Variants in KCNC3 observed in about 807,000 individuals in gnomAD.
The protein encoded by KCNC3 is voltage-gated potassium channel KCNC3.
In KCNC3, 22 loss-of-function variants were observed where a neutral mutation model predicts 43.9. That is an observed-to-expected ratio of 0.50 (90% CI 0.36 to 0.72). The LOEUF (loss-of-function observed/expected upper bound fraction) is 0.72, where lower values mean the gene tolerates loss of function less well. Among genes scored for constraint, KCNC3 ranks in the 30% least tolerant of loss-of-function variants. The pLI is 0.00. For synonymous variants in KCNC3, 492 were observed against 488.0 expected, an observed-to-expected ratio of 1.01 and a Z score of -0.11; for missense variants, 829 against 1,073.8, an observed-to-expected ratio of 0.77 and a Z score of 3.19.
rs751134277 is a variant in KCNC3 at position 50,323,375 on chromosome 19, C to T, written c.1578G>A (p.Ala526=). 5.1e-5 allele frequency: 82 copies of T among 1,614,174 alleles called. No individual in the cohort carries two copies. Among genetic ancestry groups the T allele is most frequent in the African/African-American group, 8.0e-5 (6 of 75,068 alleles). The change falls in exon 2 of 5, where the codon GCG becomes GCA. Residue 526 remains alanine, a synonymous_variant. Coordinates refer to ENST00000477616, the MANE Select transcript of KCNC3 (RefSeq NM_004977.3). ...GMLVGALCAL[A]GVLTIAMPVP... The stretch of plus-strand genomic sequence containing the variant: ...CAGGCATGGCGATGGTCAGCACCCC[C>T]GCCAGGGCACACAGCGCCCCGACCA...
Position 50,328,847 on chromosome 19 carries a change from C to A in KCNC3, c.236G>T (p.Arg79Leu). 1.4e-6 allele frequency: 2 copies of A among 1,429,120 alleles called. No homozygotes were observed. The highest frequency in any genetic ancestry group is 1.8e-6 in the Non-Finnish European group (2 of 1,093,310). 88.5% of individuals were successfully genotyped at this position (1,429,120 alleles called of 1,614,324 possible). A position where few individuals can be genotyped will look rare whatever the true frequency, so the allele number is the denominator to read the frequency against. Residue 79 changes from arginine to leucine, a missense_variant, in exon 1 of 5, where the codon CGG becomes CTG. By Grantham distance (102) the Arg-to-Leu change is moderately radical. Around this residue, in one of 7 missense-constraint regions of KCNC3, gnomAD observed 121 missense variants for 247.4 expected, o/e 0.49. Transcript: ENST00000477616. The part of the protein sequence containing the change: ...CPGLPAAAMG[R>L]HGGGGGDSGK... ...GCTGTCGCCACCGCCGCCGCCGTGC[C>A]GCCCCATGGCCGCCGCCGGCAGCCC... is the stretch of plus-strand genomic sequence containing the variant.
At chr19:50,325,470 G>A (rs1365325829) in intron 1 of KCNC3, among the ~76,000 whole-genome samples, 1 of 151,554 alleles carries the variant, frequency 6.6e-6, no homozygotes, top group African/African-American at 2.4e-5. Context: ...TTGGGCTCTG[G>A]GCTTGACTTC....
At position 50,312,815 on chromosome 19, in the gene KCNC3, A is replaced by T. The variant is rs1004527730; in HGVS notation, c.*3300T>A. On this transcript the variant is annotated 3_prime_UTR_variant, in exon 5 of 5. Coordinates refer to ENST00000477616, the MANE Select transcript of KCNC3 (RefSeq NM_004977.3). ...TGTTAAAGAAGTTGAACCCTTTGGC[A>T]ATATAATCAGTCCCCACCCCGTACC... 1 of 151,832 alleles carries T rather than the reference A, an allele frequency of 6.6e-6. No homozygotes were observed. Among genetic ancestry groups the T allele is most frequent in the East Asian group, 2.0e-4 (1 of 5,120 alleles). The allele number at this position is 151,832 out of a possible 1,614,324, so 9.4% of individuals were successfully genotyped here.
rs1034583217 is a variant in KCNC3 at position 50,323,202 on chromosome 19, G to A, written c.1751C>T (p.Pro584Leu). ...YCKPDPPPPP[P>L]PHPHHGSGGI... ...CCCGCTGCCGTGGTGCGGGTGGGGCGGGGGTGGCGGGGGTGGGTCAGGCTT... is the reference window on the plus strand; with the variant it reads ...CCCGCTGCCGTGGTGCGGGTGGGGCAGGGGTGGCGGGGGTGGGTCAGGCTT... The change falls in exon 2 of 5, where the codon CCG becomes CTG. Residue 584 changes from proline (P) to leucine (L), a missense_variant. Physicochemically the swap from Pro to Leu is moderately conservative, Grantham distance 98. This residue lies in a region of KCNC3 where 308 missense variants were observed against 276.2 expected (regional missense o/e 1.11). Coordinates refer to ENST00000477616, the MANE Select transcript of KCNC3 (RefSeq NM_004977.3). 53 of 1,519,674 alleles carry A rather than the reference G, an allele frequency of 3.5e-5. No individual in the cohort carries two copies. The highest frequency in any genetic ancestry group is 9.6e-5 in the African/African-American group (7 of 72,730). 94.1% of individuals were successfully genotyped at this position (1,519,674 alleles called of 1,614,324 possible).
intron 4 of KCNC3, among the ~76,000 whole-genome samples, chr19:50,319,048 G>T (rs2123522951): frequency 6.7e-6 from 1 of 148,152 alleles, no homozygotes; most frequent in Non-Finnish European, 1.5e-5. Context: ...TGAATGGATT[G>T]AATACATGAA....
chr19:50,321,916 GGA>G (rs1222559998), intron 2 of KCNC3, among the ~76,000 whole-genome samples: 1 of 152,100 alleles, frequency 6.6e-6, no homozygotes, highest in East Asian at 1.9e-4. Context: ...AGGCATGGCT[GGA>G]GAGGATGTGG....
Position 50,323,696 on chromosome 19 carries a change from G to A in KCNC3, c.1257C>T (p.Val419=), listed in dbSNP as rs201002118. 95 of 1,614,226 alleles carry A rather than the reference G, an allele frequency of 5.9e-5. No homozygotes were observed. In the Middle Eastern group the frequency reaches 9.9e-4, roughly 17 times the overall value. The change falls in exon 2 of 5, where the codon GTC becomes GTT. Residue 419 remains valine, a synonymous_variant. Transcript: ENST00000477616. Reference sequence around the variant, plus strand: ...TCAGCTTGAAGATGCGCAGGATGCGGACGAAGCGGACCACCCGCAGGAAGC... The same window carrying A: ...TCAGCTTGAAGATGCGCAGGATGCGAACGAAGCGGACCACCCGCAGGAAGC... The part of the protein sequence containing the change: ...VLGFLRVVRF[V]RILRIFKLTR...
chr19:50,316,306 G>A (rs1490178250), intron 4 of KCNC3, among the ~76,000 whole-genome samples: 1 of 151,862 alleles, frequency 6.6e-6, no homozygotes, highest in Admixed American at 6.6e-5. Context: ...GGGGAGGGGA[G>A]GAGGAAGGAT....
intron 1 of KCNC3, among the ~76,000 whole-genome samples, chr19:50,326,885 G>T (rs1176178449): frequency 6.6e-6 from 1 of 150,438 alleles, no homozygotes; most frequent in Non-Finnish European, 1.5e-5. Flanking sequence ...TGATGGAGGG[G>T]GACAGACTGA....
At position 50,329,020 on chromosome 19, in the gene KCNC3, C is replaced by A; in HGVS notation, c.63G>T (p.Pro21=). 19 of 1,312,310 alleles carry A rather than the reference C, an allele frequency of 1.4e-5. No homozygotes were observed. Among genetic ancestry groups the A allele is most frequent in the Non-Finnish European group, 1.9e-5 (19 of 1,026,098 alleles). 81.3% of individuals were successfully genotyped at this position (1,312,310 alleles called of 1,614,324 possible). The change falls in exon 1 of 5, where the codon CCG becomes CCT. Residue 21 remains proline (P), a synonymous_variant. Transcript: ENST00000477616. ...ACTCGGGCGGCTGCGGCGGTGGCGC[C>A]GGCTGCTGCTTGCTGGCCCCCTGGC... ...RGRQGASKQQ[P]APPPQPPESP... is the part of the protein sequence containing the mutation.
At position 50,328,985 on chromosome 19, in the gene KCNC3, G is replaced by A; in HGVS notation, c.98C>T (p.Pro33Leu). 2 of 1,123,340 alleles carry A rather than the reference G, an allele frequency of 1.8e-6. No homozygotes were observed. Among genetic ancestry groups the A allele is most frequent in the Non-Finnish European group, 2.2e-6 (2 of 889,270 alleles). 69.6% of individuals were successfully genotyped at this position (1,123,340 alleles called of 1,614,324 possible). ...PPPQPPESPPPPPLPPQQQQP... is the reference protein window; with the variant it reads ...PPPQPPESPPLPPLPPQQQQP... The stretch of plus-strand genomic sequence containing the variant: ...CTGCTGCTGCGGCGGCAGCGGTGGC[G>A]GCGGCGGGGACTCGGGCGGCTGCGG... Residue 33 changes from proline to leucine, a missense_variant, in exon 1 of 5, where the codon CCG becomes CTG. Transcript: ENST00000477616.
Position 50,314,840 on chromosome 19 carries a change from G to T in KCNC3, c.*1275C>A, listed in dbSNP as rs548580806. On this transcript the variant is annotated 3_prime_UTR_variant, in exon 5 of 5. Transcript: ENST00000477616. ...CGGTCACCCCCGAGTCCCCCCACAG[G>T]GGGGAGGGGAGCGCTAAAGGATGGA... The T allele has an allele frequency of 5.5e-5, 19 of 346,718 alleles. 1 individual carries two copies. Among genetic ancestry groups the T allele is most frequent in the South Asian group, 2.9e-4 (14 of 47,956 alleles). The allele number at this position is 346,718 out of a possible 1,614,324, so 21.5% of individuals were successfully genotyped here.
In KCNC3 at chr19:50,315,083, GAGAC is replaced by G. The variant is rs138494209; in HGVS notation, c.*1028_*1031del. ...CAGAGAGACCCAAGGCAGGGAGAAA[GAGAC>G]AGAGAGAGAAAGAAATGGAAGGGGA... is the stretch of plus-strand genomic sequence containing the variant. On this transcript the variant is annotated 3_prime_UTR_variant, in exon 5 of 5. Transcript: ENST00000477616. 7.7e-3 allele frequency: 1,497 copies of G among 195,224 alleles called. 31 individuals carry two copies. Among genetic ancestry groups the G allele is most frequent in the African/African-American group, 0.034 (1,421 of 41,710 alleles). 12.1% of individuals were successfully genotyped at this position (195,224 alleles called of 1,614,324 possible). A position where few individuals can be genotyped will look rare whatever the true frequency, so the allele number is the denominator to read the frequency against.
chr19:50,314,621 T>C lies in KCNC3; in HGVS notation c.*1494A>G, dbSNP rs1198147981. ...GGCTCGTGGAGACCTGAGAAGGCTT[T>C]TTTTGGGGAGGGAAGAGTTGGGGGG... On this transcript the variant is annotated 3_prime_UTR_variant, in exon 5 of 5. Coordinates refer to ENST00000477616, the MANE Select transcript of KCNC3 (RefSeq NM_004977.3). The C allele has an allele frequency of 6.0e-6, 2 of 331,108 alleles. No individual in the cohort carries two copies. Among genetic ancestry groups the C allele is most frequent in the Non-Finnish European group, 1.2e-5 (2 of 172,390 alleles). 20.5% of individuals were successfully genotyped at this position (331,108 alleles called of 1,614,324 possible).
At chr19:50,318,380 G>A (rs2036984438) in intron 4 of KCNC3, among the ~76,000 whole-genome samples, 1 of 151,942 alleles carries the variant, frequency 6.6e-6, no homozygotes, top group Non-Finnish European at 1.5e-5. Flanking sequence ...TCACCATGTT[G>A]GCCAGGCTGG....
In KCNC3 at chr19:50,324,948, G is replaced by A. The variant is rs1037191110; in HGVS notation, c.871-866C>T. Among the ~76,000 whole-genome samples, 9 of 152,154 alleles carry A rather than the reference G, an allele frequency of 5.9e-5. No homozygotes were observed. Among genetic ancestry groups the A allele is most frequent in the Admixed American group, 1.3e-4 (2 of 15,276 alleles). On this transcript the variant is annotated intron_variant, in intron 1 of 4. Coordinates refer to ENST00000477616, the MANE Select transcript of KCNC3 (RefSeq NM_004977.3). This position sits in a 1 kb window ranked among gnomAD's most constrained non-coding sequence, Gnocchi z 4.1. ...AGATAAAAGAGGAGAGTCAGGCAGG[G>A]TTTAGGGCCCTGAAGAGGAAGGAGA...
At position 50,324,055 on chromosome 19, in the gene KCNC3, TGAA is replaced by T. The variant is rs759857573; in HGVS notation, c.895_897del (p.Phe299del). 6.2e-7 allele frequency: 1 copy of T among 1,602,388 alleles called. No homozygotes were observed. Among genetic ancestry groups the T allele is most frequent in the Non-Finnish European group, 8.5e-7 (1 of 1,173,070 alleles). ...CAGAAGGTGGTGATGGAGATGAGGA[TGAA>T]GAAGAGGGAGGCGAAGGCCACATAC... On this transcript the variant is annotated inframe_deletion, in exon 2 of 5. Transcript: ENST00000477616. The surrounding 1 kb of genome is among the most constrained non-coding windows in gnomAD (Gnocchi z 4.1).
At chr19:50,322,931 C>T (rs1162289263) in intron 2 of KCNC3, 44 bp downstream of exon 2, 1 of 1,542,634 alleles carries the variant, frequency 6.5e-7, no homozygotes, top group East Asian at 2.4e-5. Flanking sequence ...CCAGTCCTCC[C>T]CGGGTCTCCA....
In KCNC3 at chr19:50,323,194, G is replaced by A. The variant is rs1403145630; in HGVS notation, c.1759C>T (p.Pro587Ser). The A allele has an allele frequency of 6.6e-7, 1 of 1,523,978 alleles. No homozygotes were observed. Among genetic ancestry groups the A allele is most frequent in the African/African-American group, 1.4e-5 (1 of 72,784 alleles). The allele number at this position is 1,523,978 out of a possible 1,614,324, so 94.4% of individuals were successfully genotyped here. ...PDPPPPPPPH[P>S]HHGSGGISPP... is the part of the protein sequence containing the mutation. The stretch of plus-strand genomic sequence containing the variant: ...CTGATGCCCCCGCTGCCGTGGTGCG[G>A]GTGGGGCGGGGGTGGCGGGGGTGGG... Residue 587 changes from proline (P) to serine (S), a missense_variant, in exon 2 of 5, where the codon CCG becomes TCG. Physicochemically the swap from Pro to Ser is moderately conservative, Grantham distance 74. This residue lies in a region of KCNC3 where 308 missense variants were observed against 276.2 expected (regional missense o/e 1.11). Transcript: ENST00000477616.
Sources: gnomAD v4.1 joint callset for allele counts (sites outside exome capture counted in the v4.1 genomes callset) on GRCh38, gnomAD v4.1.1 for gene constraint, gnomAD v4.1.1 regional missense constraint, Gnocchi (gnomAD v3.1) non-coding constraint, MANE v1.5 for transcripts, NCBI Gene and HGNC (gene_info 2026-07-23, HGNC 2026-07-21) for gene names.